Variants in BUD23 observed in about 807,000 individuals in gnomAD.
BUD23 encodes the protein 18S rRNA (guanine-N(7))-methyltransferase.
A neutral mutation model predicts 47.0 loss-of-function variants in BUD23; 34 were observed. The ratio of observed to expected loss-of-function variants is 0.72; its 90% CI spans 0.55 to 0.96. The LOEUF (loss-of-function observed/expected upper bound fraction) is 0.96. Among genes scored for constraint, BUD23 ranks in the 40% least tolerant of loss-of-function variants. The probability of loss-of-function intolerance (pLI) is 0.00; values close to 1 mark genes in which losing one functional copy is unlikely to be tolerated. For synonymous variants in BUD23, 124 were observed against 132.0 expected (o/e 0.94, Z 0.41); for missense variants, 343 against 361.2 (o/e 0.95, Z 0.41).
chr7:73,692,488 A>C, intron 6 of BUD23, 108 bp from the exon 7 acceptor site: 1 of 1,105,776 alleles, frequency 9.0e-7, no homozygotes, highest in East Asian at 2.5e-5. Flanking sequence ...AATGCCTCAC[A>C]CATAATGGAA....
At chr7:73,693,937 G>A in intron 9 of BUD23, 55 bp from the exon 10 acceptor site, 1 of 1,604,694 alleles carries the variant, frequency 6.2e-7, no homozygotes, top group Non-Finnish European at 8.5e-7. Flanking sequence ...TCTGGAGTGG[G>A]GCAGATGGTT....
chr7:73,684,646 G>T (rs1267791416), intron 2 of BUD23, among the ~76,000 whole-genome samples: 1 of 148,686 alleles, frequency 6.7e-6, no homozygotes, highest in African/African-American at 2.5e-5. Flanking sequence ...GGGGGAAGCT[G>T]GCGCGGTGTC....
At chr7:73,693,953 ACT>A in intron 9 of BUD23, 37 bp from the exon 10 acceptor site, 1 of 1,609,144 alleles carries the variant, frequency 6.2e-7, no homozygotes, top group Non-Finnish European at 8.5e-7. Flanking sequence ...TGGTTTGAGA[ACT>A]CTCCAGGGTG....
intron 10 of BUD23, chr7:73,697,354 A>T: frequency 7.6e-7 from 1 of 1,308,554 alleles, no homozygotes; most frequent in Non-Finnish European, 1.0e-6. Flanking sequence ...GCTGGTGTTT[A>T]GGTCTCCATG....
chr7:73,686,487 G>T (rs1306420352), intron 2 of BUD23, 149 bp from the exon 3 acceptor site: 5 of 709,588 alleles, frequency 7.0e-6, no homozygotes, highest in Non-Finnish European at 1.2e-5. Context: ...TCCCAACTTA[G>T]AAGGGGTCAG....
intron 2 of BUD23, 180 bp downstream of exon 2, chr7:73,683,984 G>GT: frequency 6.7e-7 from 1 of 1,481,694 alleles, no homozygotes; most frequent in Non-Finnish European, 8.9e-7. Context: ...TCTGGGCCTC[G>GT]GTACCTCAGC....
At chr7:73,691,829 T>C (rs1554614067) in intron 6 of BUD23, among the ~76,000 whole-genome samples, 1 of 152,016 alleles carries the variant, frequency 6.6e-6, no homozygotes, top group African/African-American at 2.4e-5. Flanking sequence ...GGTGTTAAAC[T>C]CCTGGCTTCA....
chr7:73,692,557 C>G (rs573488969), intron 6 of BUD23, 39 bp from the exon 7 acceptor site: 1 of 1,604,778 alleles, frequency 6.2e-7, no homozygotes. Context: ...TAAGCTCATG[C>G]AGTCATTTGT....
At chr7:73,687,440 C>A (rs1318455234) in intron 5 of BUD23, among the ~76,000 whole-genome samples, 1 of 152,152 alleles carries the variant, frequency 6.6e-6, no homozygotes, top group East Asian at 1.9e-4. Context: ...CCACACCCAA[C>A]TAATTTTTGT....
intron 6 of BUD23, among the ~76,000 whole-genome samples, chr7:73,691,667 G>A (rs1284964128): frequency 6.6e-6 from 1 of 152,034 alleles, no homozygotes; most frequent in Non-Finnish European, 1.5e-5. Context: ...TGGTGTGATC[G>A]TAGCTCACTG....
chr7:73,694,090 G>A lies in BUD23; in HGVS notation c.701+40G>A, dbSNP rs200463951. On this transcript the variant is annotated intron_variant, in intron 10 of 11. Coordinates refer to ENST00000265758, the MANE Select transcript of BUD23 (RefSeq NM_017528.5). Reference sequence around the variant, plus strand: ...GAAGCCTGCCCCGGCTGCAGCGGGGGCTGCCACATTTGTTAGACATGGACT... The same window carrying A: ...GAAGCCTGCCCCGGCTGCAGCGGGGACTGCCACATTTGTTAGACATGGACT... 325 of 1,587,020 alleles carry A rather than the reference G, an allele frequency of 2.0e-4. 1 individual carries two copies. In the African/African-American group the frequency reaches 3.7e-3, roughly 18 times the overall value.
At chr7:73,696,278 C>G (rs1179158847) in intron 10 of BUD23, 1 of 152,188 alleles carries the variant, frequency 6.6e-6, no homozygotes, top group African/African-American at 2.4e-5. Flanking sequence ...CTAGTCCATT[C>G]CCCATGGGGA....
At chr7:73,691,617 T>C (rs1384768324) in intron 6 of BUD23, among the ~76,000 whole-genome samples, 2 of 152,202 alleles carry the variant, frequency 1.3e-5, no homozygotes, top group Non-Finnish European at 2.9e-5. Context: ...TTTTGTTTTT[T>C]GAGACAGACT....
chr7:73,691,223 C>T (rs1192573664), intron 6 of BUD23, among the ~76,000 whole-genome samples: 8 of 152,166 alleles, frequency 5.3e-5, no homozygotes, highest in African/African-American at 1.7e-4. Flanking sequence ...TAATCAAACC[C>T]AGAAGTCACT....
intron 5 of BUD23, among the ~76,000 whole-genome samples, chr7:73,688,070 A>G (rs937756482): frequency 8.6e-5 from 13 of 151,698 alleles, no homozygotes; most frequent in African/African-American, 2.9e-4. Context: ...TAATTTTTTT[A>G]TATTTTTAGT....
intron 6 of BUD23, among the ~76,000 whole-genome samples, chr7:73,692,139 TTG>T (rs1420393892): frequency 6.6e-6 from 1 of 152,202 alleles, no homozygotes; most frequent in Non-Finnish European, 1.5e-5. Flanking sequence ...GCCGCTGGTC[TTG>T]TGTGTCACAT....
chr7:73,689,062 T>C (rs566939637), intron 5 of BUD23, among the ~76,000 whole-genome samples: 5 of 152,308 alleles, frequency 3.3e-5, no homozygotes, highest in African/African-American at 1.2e-4. Flanking sequence ...GCAAACTGTT[T>C]TTTTGGAGAC....
chr7:73,690,435 G>A (rs1349870413), intron 5 of BUD23, among the ~76,000 whole-genome samples: 2 of 152,140 alleles, frequency 1.3e-5, no homozygotes, highest in African/African-American at 4.8e-5. Flanking sequence ...TTGGATTGGA[G>A]GAAGGGAACA....
intron 2 of BUD23, among the ~76,000 whole-genome samples, chr7:73,684,837 T>C (rs1198474383): frequency 7.4e-6 from 1 of 135,188 alleles, no homozygotes; most frequent in Non-Finnish European, 1.5e-5. Context: ...GGCAGGAGAA[T>C]AGCTTGAACC....
Sources: gnomAD v4.1 joint callset for allele counts (sites outside exome capture counted in the v4.1 genomes callset) on GRCh38, gnomAD v4.1.1 for gene constraint, MANE v1.5 for transcripts, NCBI Gene and HGNC (gene_info 2026-07-23, HGNC 2026-07-21) for gene names.